SPOCD1: variants seen among roughly 807,000 people sequenced by gnomAD.
SPOCD1 encodes SPOC domain containing 1.
Under a neutral mutation model 92.2 loss-of-function variants are expected in SPOCD1, and 64 were observed. That is an observed-to-expected ratio of 0.69 (90% confidence interval 0.57 to 0.86). The LOEUF (loss-of-function observed/expected upper bound fraction) is 0.86, where lower values mean the gene tolerates loss of function less well. Among genes scored for constraint, SPOCD1 ranks in the 40% least tolerant of loss-of-function variants. The pLI is 0.00. For missense variants in SPOCD1, 1,360 were observed against 1,543.1 expected, an observed-to-expected ratio of 0.88 and a Z score of 1.99; for synonymous variants, 578 against 619.3, an observed-to-expected ratio of 0.93 and a Z score of 0.99.
chr1:31,804,919 G>C (rs760276325), intron 2 of SPOCD1, among the ~76,000 whole-genome samples: 5 of 149,434 alleles, frequency 3.3e-5, no homozygotes, highest in Non-Finnish European at 7.4e-5. Flanking sequence ...GACAAAGATT[G>C]TAACTACCTT....
intron 2 of SPOCD1, among the ~76,000 whole-genome samples, chr1:31,806,702 C>T (rs1236935584): frequency 6.6e-6 from 1 of 151,934 alleles, no homozygotes; most frequent in Non-Finnish European, 1.5e-5. Flanking sequence ...CCCACCACCA[C>T]GCCTGGCTAA....
chr1:31,801,677 T>G lies in SPOCD1; in HGVS notation c.1412A>C (p.Lys471Thr), dbSNP rs1648474977. 1 of 1,613,770 alleles carries G rather than the reference T, an allele frequency of 6.2e-7. No homozygotes were observed. The highest frequency in any genetic ancestry group is 1.1e-5 in the South Asian group (1 of 91,082). Residue 471 changes from lysine to threonine, a missense_variant, in exon 3 of 16, where the codon AAG becomes ACG. By Grantham distance (78) the Lys-to-Thr change is moderately conservative. Coordinates refer to ENST00000360482, the MANE Select transcript of SPOCD1 (RefSeq NM_144569.7). ...LEEVKIPHGVKLVCYLGSGPV... is the reference protein window; with the variant it reads ...LEEVKIPHGVTLVCYLGSGPV... Reference sequence around the variant, plus strand: ...GTAAAAACCTACGTAGCACACAAGCTTCACTCCATGGGGTATTTTCACTTC... The same window carrying G: ...GTAAAAACCTACGTAGCACACAAGCGTCACTCCATGGGGTATTTTCACTTC...
In SPOCD1 at chr1:31,814,557, G is replaced by C. The variant is rs1273142277; in HGVS notation, c.777C>G (p.Pro259=). The part of the protein sequence containing the change: ...LESLGGPCRP[P]SPKDTGSGPG... ...GCCCAGACCCAGTGTCTTTTGGAGA[G>C]GGAGGTCTGCAAGGGCCTCCCAAGG... The change falls in exon 2 of 16, where the codon CCC becomes CCG. Residue 259 remains proline, a synonymous_variant. Transcript: ENST00000360482. The surrounding 1 kb of genome is among the most constrained non-coding windows in gnomAD (Gnocchi z 4.2). The C allele has an allele frequency of 5.2e-6, 8 of 1,527,986 alleles. No homozygotes were observed. The highest frequency in any genetic ancestry group is 1.4e-5 in the African/African-American group (1 of 72,322). 94.7% of individuals were successfully genotyped at this position (1,527,986 alleles called of 1,614,324 possible).
intron 10 of SPOCD1, chr1:31,796,249 C>A: frequency 2.5e-6 from 1 of 396,858 alleles, no homozygotes. Context: ...AAGTCACTGC[C>A]TGGAACAGCG....
At position 31,798,797 on chromosome 1, in the gene SPOCD1, G is replaced by A. The variant is rs1490611298; in HGVS notation, c.1869-196C>T. ...TAGGATCATTCTCCTTTTATGGATG[G>A]GGTTACTGGGGCTCAGGGAAAATAA... On this transcript the variant is annotated intron_variant, in intron 7 of 15. Transcript: ENST00000360482. This position sits in a 1 kb window ranked among gnomAD's most constrained non-coding sequence, Gnocchi z 4.1. 17 of 617,590 alleles carry A rather than the reference G, an allele frequency of 2.8e-5. No homozygotes were observed. The South Asian group carries it at 3.2e-4, about 12-fold the overall frequency. The allele number at this position is 617,590 out of a possible 1,614,324, so 38.3% of individuals were successfully genotyped here. A position where few individuals can be genotyped will look rare whatever the true frequency, so the allele number is the denominator to read the frequency against.
In SPOCD1 at chr1:31,813,839, G is replaced by A. The variant is rs186803764; in HGVS notation, c.1383+112C>T. 70 of 966,796 alleles carry A rather than the reference G, an allele frequency of 7.2e-5. No individual in the cohort carries two copies. The African/African-American group carries it at 1.1e-3, about 15-fold the overall frequency. The allele number at this position is 966,796 out of a possible 1,614,324, so 59.9% of individuals were successfully genotyped here. On this transcript the variant is annotated intron_variant, in intron 2 of 15. Transcript: ENST00000360482. ...CCCAGTTTAGTTAATAGGGATGTGA[G>A]AATGTTCATGAAGCGCCCATCTAGC...
At chr1:31,808,041 A>G (rs1288076803) in intron 2 of SPOCD1, among the ~76,000 whole-genome samples, 1 of 152,206 alleles carries the variant, frequency 6.6e-6, no homozygotes, top group South Asian at 2.1e-4. Context: ...ACTTTTTTTA[A>G]CCAGCCATTC....
In SPOCD1 at chr1:31,792,822, G is replaced by A. The variant is rs921305025; in HGVS notation, c.2686-55C>T. The A allele has an allele frequency of 2.0e-5, 28 of 1,396,666 alleles. No individual in the cohort carries two copies. In the African/African-American group the frequency reaches 3.4e-4, roughly 17 times the overall value. 86.5% of individuals were successfully genotyped at this position (1,396,666 alleles called of 1,614,324 possible). A position where few individuals can be genotyped will look rare whatever the true frequency, so the allele number is the denominator to read the frequency against. Reference sequence around the variant, plus strand: ...CCCCAGCTTCCCACCCACTCAGGGTGGACGCATTCCCAGCCACCTGGAAGG... The same window carrying A: ...CCCCAGCTTCCCACCCACTCAGGGTAGACGCATTCCCAGCCACCTGGAAGG... On this transcript the variant is annotated intron_variant, in intron 13 of 15. Coordinates refer to ENST00000360482, the MANE Select transcript of SPOCD1 (RefSeq NM_144569.7).
Position 31,815,007 on chromosome 1 carries a change from A to G in SPOCD1, c.327T>C (p.Thr109=), listed in dbSNP as rs1312682969. The change falls in exon 2 of 16, where the codon ACT becomes ACC. Residue 109 remains threonine (T), a synonymous_variant. Coordinates refer to ENST00000360482, the MANE Select transcript of SPOCD1 (RefSeq NM_144569.7). The stretch of plus-strand genomic sequence containing the variant: ...TCTTGGAGGTCAGAGCTCTCCCCTG[A>G]GTAGGCACCGAGGGCAGCTGCATGT... ...GLHMQLPSVP[T]QGRALTSKRL... 1 of 1,613,876 alleles carries G rather than the reference A, an allele frequency of 6.2e-7. No individual in the cohort carries two copies. The highest frequency in any genetic ancestry group is 8.5e-7 in the Non-Finnish European group (1 of 1,179,970).
At position 31,792,666 on chromosome 1, in the gene SPOCD1, G is replaced by A; in HGVS notation, c.2775+12C>T. 6.3e-7 allele frequency: 1 copy of A among 1,579,632 alleles called. No individual in the cohort carries two copies. The highest frequency in any genetic ancestry group is 2.3e-5 in the East Asian group (1 of 43,886). ...CTAGGAAAAGAGGGGGTGCCCAAGA[G>A]TGGGCAGGTACCTTGGCCTTGGCTG... On this transcript the variant is annotated intron_variant, in intron 14 of 15. Coordinates refer to ENST00000360482, the MANE Select transcript of SPOCD1 (RefSeq NM_144569.7).
chr1:31,806,547 CTTT>C (rs895099152), intron 2 of SPOCD1, among the ~76,000 whole-genome samples: 1 of 143,606 alleles, frequency 7.0e-6, no homozygotes, highest in Non-Finnish European at 1.5e-5. Context: ...GATATGAAAA[CTTT>C]TTTTTTTTTT....
chr1:31,793,569 C>T, intron 12 of SPOCD1, 141 bp from the exon 13 acceptor site: 1 of 1,481,040 alleles, frequency 6.8e-7, no homozygotes, highest in Non-Finnish European at 9.2e-7. Flanking sequence ...GTGCAGGGGG[C>T]TGCCAGGAGG....
In SPOCD1 at chr1:31,800,063, C is replaced by G; in HGVS notation, c.1681G>C (p.Gly561Arg). 6.2e-7 allele frequency: 1 copy of G among 1,609,914 alleles called. No individual in the cohort carries two copies. The highest frequency in any genetic ancestry group is 8.5e-7 in the Non-Finnish European group (1 of 1,178,726). Residue 561 changes from glycine (G) to arginine (R), a missense_variant, in exon 5 of 16, where the codon GGT becomes CGT. Coordinates refer to ENST00000360482, the MANE Select transcript of SPOCD1 (RefSeq NM_144569.7). ...LSDPFYPPRS[G>R]SLALGDPSSD... ...CTGGGGTCGCCAAGGGCCAGGGAAC[C>G]GCTTCTTGGAGGGTAGAAGGGGTCA...
chr1:31,794,325 A>G (rs1570152669), intron 10 of SPOCD1, 90 bp from the exon 11 acceptor site: 6 of 722,238 alleles, frequency 8.3e-6, no homozygotes, highest in Non-Finnish European at 1.4e-5. Flanking sequence ...GATGTGGTTT[A>G]TTTTTCTCAA....
chr1:31,793,904 A>G lies in SPOCD1; in HGVS notation c.2384-7T>C, dbSNP rs1557816369. 8 of 1,607,538 alleles carry G rather than the reference A, an allele frequency of 5.0e-6. No homozygotes were observed. Among genetic ancestry groups the G allele is most frequent in the Non-Finnish European group, 6.8e-6 (8 of 1,175,198 alleles). On this transcript the variant is annotated splice_region_variant and splice_polypyrimidine_tract_variant and intron_variant, in intron 11 of 15. Coordinates refer to ENST00000360482, the MANE Select transcript of SPOCD1 (RefSeq NM_144569.7). The stretch of plus-strand genomic sequence containing the variant: ...TCATTCGAGGGCTCCCAGTCTGCAA[A>G]TAGCAGAGGCAGGAGCTGAAACAGG...
At chr1:31,813,706 G>A (rs1424557359) in intron 2 of SPOCD1, among the ~76,000 whole-genome samples, 4 of 152,188 alleles carry the variant, frequency 2.6e-5, no homozygotes, top group Non-Finnish European at 5.9e-5. Context: ...AGTGGGCAGA[G>A]GCAAAATTCG....
chr1:31,792,825 C>T (rs781299005), intron 13 of SPOCD1, 58 bp from the exon 14 acceptor site: 114 of 1,346,050 alleles, frequency 8.5e-5, no homozygotes, highest in Non-Finnish European at 9.6e-5. Context: ...TCAGGGTGGA[C>T]GCATTCCCAG....
intron 2 of SPOCD1, among the ~76,000 whole-genome samples, chr1:31,803,934 G>A (rs1315109582): frequency 3.9e-5 from 6 of 152,134 alleles, no homozygotes; most frequent in Non-Finnish European, 8.8e-5. Flanking sequence ...TCCAGAAGGA[G>A]AGAGGAAAGA....
chr1:31,810,932 C>A, intron 2 of SPOCD1, among the ~76,000 whole-genome samples: 1 of 152,106 alleles, frequency 6.6e-6, no homozygotes, highest in Non-Finnish European at 1.5e-5. Flanking sequence ...ACACACACAC[C>A]CACTGCTATC....
Sources: allele counts gnomAD v4.1 joint callset (sites outside exome capture counted in the v4.1 genomes callset), GRCh38; gene constraint gnomAD v4.1.1; non-coding constraint Gnocchi (gnomAD v3.1); transcripts MANE v1.5; gene names NCBI Gene and HGNC (gene_info 2026-07-23, HGNC 2026-07-21).